ENAH: variants seen among roughly 807,000 people sequenced by gnomAD.
ENAH encodes protein enabled homolog.
Under a neutral mutation model 78.7 loss-of-function variants are expected in ENAH, and 23 were observed. The ratio of observed to expected loss-of-function variants is 0.29; its 90% confidence interval spans 0.21 to 0.41. The LOEUF (loss-of-function observed/expected upper bound fraction) is 0.41. Among genes scored for constraint, ENAH ranks in the 10% least tolerant of loss-of-function variants. The probability of loss-of-function intolerance (pLI) is 1.00; values close to 1 mark genes in which losing one functional copy is unlikely to be tolerated. For missense variants in ENAH, 544 were observed against 691.0 expected, an observed-to-expected ratio of 0.79 and a Z score of 2.39; for synonymous variants, 226 against 241.0, an observed-to-expected ratio of 0.94 and a Z score of 0.58.
intron 1 of ENAH, among the ~76,000 whole-genome samples, chr1:225,635,910 A>G (rs920027878): frequency 6.6e-6 from 1 of 152,214 alleles, no homozygotes; most frequent in Non-Finnish European, 1.5e-5. Context: ...AAACTGTAAT[A>G]CAGAAATCCT....
At position 225,512,773 on chromosome 1, in the gene ENAH, T is replaced by C. The variant is rs113519055; in HGVS notation, c.1365-59A>G. The C allele has an allele frequency of 3.2e-5, 51 of 1,609,088 alleles. No individual in the cohort carries two copies. The African/African-American group carries it at 4.4e-4, about 14-fold the overall frequency. The stretch of plus-strand genomic sequence containing the variant: ...TTATCTGATTCAGTATAAAAACCAC[T>C]TCTCTACGAGGAAAGAAGTGCATCT... On this transcript the variant is annotated intron_variant, in intron 8 of 13. Transcript: ENST00000366843.
chr1:225,532,003 T>TA (rs59412829), intron 3 of ENAH, among the ~76,000 whole-genome samples: 25 of 150,790 alleles, frequency 1.7e-4, no homozygotes, highest in African/African-American at 4.4e-4. Context: ...ATAAATATTA[T>TA]AAAAAAAAAT....
chr1:225,533,146 A>G (rs1308247351), intron 3 of ENAH, among the ~76,000 whole-genome samples: 1 of 152,166 alleles, frequency 6.6e-6, no homozygotes, highest in Non-Finnish European at 1.5e-5. Context: ...AAATTAATAC[A>G]AACATACTAT....
At chr1:225,626,598 T>C (rs1024524679) in intron 1 of ENAH, among the ~76,000 whole-genome samples, 1 of 152,250 alleles carries the variant, frequency 6.6e-6, no homozygotes, top group Admixed American at 6.5e-5. Flanking sequence ...CAACTTAATA[T>C]TGGGCTTCCC....
intron 1 of ENAH, among the ~76,000 whole-genome samples, chr1:225,639,705 AACACACACACACAC>A (rs374646635): frequency 4.4e-4 from 61 of 138,632 alleles, no homozygotes; most frequent in East Asian, 4.2e-3. Flanking sequence ...GGCGGGATTA[AACACACACACACAC>A]ACACACACAC....
chr1:225,650,190 AC>A (rs1356423683), intron 1 of ENAH, among the ~76,000 whole-genome samples: 1 of 152,198 alleles, frequency 6.6e-6, no homozygotes, highest in Non-Finnish European at 1.5e-5. Context: ...ATAATCCAGT[AC>A]CTTCCAAAGT....
intron 2 of ENAH, among the ~76,000 whole-genome samples, chr1:225,555,475 G>A (rs951794595): frequency 4.6e-5 from 7 of 151,908 alleles, no homozygotes; most frequent in African/African-American, 1.4e-4. Flanking sequence ...CCAGCTACTC[G>A]GGAGGCTGAG....
At chr1:225,554,837 A>C in intron 3 of ENAH, 69 bp downstream of exon 3, 1 of 1,325,732 alleles carries the variant, frequency 7.5e-7, no homozygotes, top group Non-Finnish European at 1.0e-6. Context: ...CAAGAATACA[A>C]GTAAATCTTC....
intron 4 of ENAH, among the ~76,000 whole-genome samples, chr1:225,525,576 C>CTAT (rs1427060135): frequency 2.0e-5 from 3 of 152,168 alleles, no homozygotes; most frequent in Non-Finnish European, 4.4e-5. Context: ...ACCGGATGGG[C>CTAT]TATTCCCTAG....
At chr1:225,508,652 T>C (rs1026502706) in intron 10 of ENAH, 3 of 152,254 alleles carry the variant, frequency 2.0e-5, no homozygotes, top group African/African-American at 4.8e-5. Context: ...AAAGACACTA[T>C]GTAGTCAGTG....
At chr1:225,526,894 T>A (rs2151229523) in intron 4 of ENAH, among the ~76,000 whole-genome samples, 1 of 152,316 alleles carries the variant, frequency 6.6e-6, no homozygotes, top group South Asian at 2.1e-4. Context: ...GGTTTGATGA[T>A]CCTTGGCTGT....
At chr1:225,507,900 A>T (rs78772849) in intron 11 of ENAH, 51 bp downstream of exon 11, 8 of 1,334,236 alleles carry the variant, frequency 6.0e-6, no homozygotes, top group Admixed American at 2.5e-5. Context: ...AGAATGCATT[A>T]ATTTTTTTTT....
intron 1 of ENAH, among the ~76,000 whole-genome samples, chr1:225,640,739 G>T (rs1251143147): frequency 6.6e-6 from 1 of 151,878 alleles, no homozygotes; most frequent in Non-Finnish European, 1.5e-5. Context: ...GTTAATAAAG[G>T]TTTCATACAG....
chr1:225,580,612 C>CCCAA (rs1343827246), intron 1 of ENAH, among the ~76,000 whole-genome samples: 1 of 152,100 alleles, frequency 6.6e-6, no homozygotes, highest in East Asian at 1.9e-4. Context: ...CGTGCCTGAC[C>CCCAA]CCAAGACCTT....
chr1:225,650,080 C>T (rs1662685512), intron 1 of ENAH, among the ~76,000 whole-genome samples: 1 of 152,148 alleles, frequency 6.6e-6, no homozygotes, highest in Admixed American at 6.5e-5. Context: ...AAAGAATATT[C>T]CAAAGACTTT....
intron 1 of ENAH, among the ~76,000 whole-genome samples, chr1:225,620,675 G>GATC (rs1193542101): frequency 6.6e-6 from 1 of 152,018 alleles, no homozygotes; most frequent in African/African-American, 2.4e-5. Flanking sequence ...ATTTTCTGAA[G>GATC]GTATGTTCAC....
chr1:225,546,239 G>A (rs2096613303), intron 3 of ENAH, among the ~76,000 whole-genome samples: 1 of 152,040 alleles, frequency 6.6e-6, no homozygotes, highest in Admixed American at 6.5e-5. Flanking sequence ...CCTGGCCTGA[G>A]GTCTGTAAAC....
intron 3 of ENAH, among the ~76,000 whole-genome samples, chr1:225,532,518 C>G (rs754539766): frequency 4.0e-5 from 6 of 151,852 alleles, no homozygotes; most frequent in Non-Finnish European, 7.4e-5. Context: ...TGTTATATAT[C>G]AAAGGTAATA....
chr1:225,553,394 A>C (rs576330882), intron 3 of ENAH, among the ~76,000 whole-genome samples: 3 of 152,330 alleles, frequency 2.0e-5, no homozygotes, highest in African/African-American at 7.2e-5. Context: ...TTTAGTTTCC[A>C]ATATAAGTTC....
Sources: allele counts gnomAD v4.1 joint callset (sites outside exome capture counted in the v4.1 genomes callset), GRCh38; gene constraint gnomAD v4.1.1; transcripts MANE v1.5; gene names NCBI Gene and HGNC (gene_info 2026-07-23, HGNC 2026-07-21).